Variants in MIA2 observed in about 807,000 individuals in gnomAD.
The protein encoded by MIA2 is MIA SH3 domain ER export factor 2.
Under a neutral mutation model 167.8 loss-of-function variants are expected in MIA2, and 127 were observed. That is an observed-to-expected ratio of 0.76 (90% CI 0.66 to 0.88). The LOEUF is 0.88. Ranked by LOEUF, MIA2 falls within the 40% of genes least tolerant of loss-of-function variation. The pLI is 0.00. For synonymous variants in MIA2, 552 were observed against 541.9 expected, an observed-to-expected ratio of 1.02 and a Z score of -0.26; for missense variants, 1,690 against 1,624.7, an observed-to-expected ratio of 1.04 and a Z score of -0.69.
At chr14:39,342,490 A>T (rs1329802323) in intron 25 of MIA2, among the ~76,000 whole-genome samples, 1 of 152,074 alleles carries the variant, frequency 6.6e-6, no homozygotes, top group Non-Finnish European at 1.5e-5. Context: ...ATGTGTCTTT[A>T]TAGCAGCATG....
At chr14:39,248,762 C>T (rs1385921287) in intron 4 of MIA2, among the ~76,000 whole-genome samples, 1 of 151,272 alleles carries the variant, frequency 6.6e-6, no homozygotes, top group Non-Finnish European at 1.5e-5. Context: ...TTTTTCCAGA[C>T]AGGGTCTCAC....
In MIA2 at chr14:39,238,811, A is replaced by AAAAAAAAACAAAAAC; in HGVS notation, c.250-1750_250-1749insAAAAAAAACAAAAAC. 4.4e-4 allele frequency among the ~76,000 whole-genome samples: 46 copies of AAAAAAAAACAAAAAC among 103,630 alleles called. 2 individuals are homozygous for AAAAAAAAACAAAAAC. Among genetic ancestry groups the AAAAAAAAACAAAAAC allele is most frequent in the African/African-American group, 1.7e-3 (44 of 25,562 alleles). 68.0% of individuals were successfully genotyped at this position (103,630 alleles called of 152,430 possible). ...CCTGTCTCAAAAAAAAAAAAAAAAA[A>AAAAAAAAACAAAAAC]CCCAAAAAACAAAAAAACCTAGCTG... is the stretch of plus-strand genomic sequence containing the variant. On this transcript the variant is annotated intron_variant, in intron 2 of 28. Transcript: ENST00000640607.
At chr14:39,349,371 A>T (rs571910467) in intron 28 of MIA2, among the ~76,000 whole-genome samples, 8 of 152,330 alleles carry the variant, frequency 5.3e-5, no homozygotes, top group African/African-American at 1.9e-4. Flanking sequence ...AGTCTTTTTC[A>T]TAAGTAGTTC....
At chr14:39,264,822 T>C (rs964036494) in intron 6 of MIA2, among the ~76,000 whole-genome samples, 1 of 152,218 alleles carries the variant, frequency 6.6e-6, no homozygotes, top group Non-Finnish European at 1.5e-5. Context: ...AATCAGTGTC[T>C]AGGTTGTGAA....
At chr14:39,286,496 G>A (rs532804540) in intron 9 of MIA2, among the ~76,000 whole-genome samples, 16 of 152,232 alleles carry the variant, frequency 1.1e-4, no homozygotes, top group East Asian at 9.6e-4. Flanking sequence ...TGGCTAGGTC[G>A]TTATTTGTGT....
At chr14:39,349,885 T>A (rs1380073365) in intron 28 of MIA2, among the ~76,000 whole-genome samples, 1 of 152,180 alleles carries the variant, frequency 6.6e-6, no homozygotes, top group African/African-American at 2.4e-5. Context: ...GGACAAAAAT[T>A]ACATAAAAAT....
At chr14:39,248,779 G>A (rs1050687105) in intron 4 of MIA2, among the ~76,000 whole-genome samples, 4 of 150,944 alleles carry the variant, frequency 2.6e-5, no homozygotes, top group Non-Finnish European at 2.9e-5. Flanking sequence ...TCACTTTATC[G>A]TCTAAGCTGG....
intron 2 of MIA2, 82 bp from the exon 3 acceptor site, chr14:39,240,479 G>A (rs775288407): frequency 1.6e-5 from 16 of 990,808 alleles, no homozygotes; most frequent in Non-Finnish European, 2.2e-5. Context: ...TGAAAGCCAA[G>A]GACATGGGAC....
Position 39,319,248 on chromosome 14 carries a change from A to C in MIA2, c.3324A>C (p.Lys1108Asn). The C allele has an allele frequency of 6.4e-7, 1 of 1,573,274 alleles. No homozygotes were observed. The highest frequency in any genetic ancestry group is 1.2e-5 in the South Asian group (1 of 82,900). Residue 1108 changes from lysine (K) to asparagine (N), a missense_variant, in exon 23 of 29, where the codon AAA (lysine) becomes AAC (asparagine). Physicochemically the swap from Lys to Asn is moderately conservative, Grantham distance 94. Coordinates refer to ENST00000640607, the MANE Select transcript of MIA2 (RefSeq NM_001329214.4). Reference protein sequence around the residue: ...ETELKFELLEKDPYALDVPNT... With the variant: ...ETELKFELLENDPYALDVPNT... ...AGCTTAAATTTGAACTTTTAGAAAA[A>C]GATCCTTATGCACTCGATGTTCCAA...
In MIA2 at chr14:39,327,160, AAAT is replaced by A. The variant is rs1246710634; in HGVS notation, c.3655+142_3655+144del. ...GTACATTTTTGAAAACAACAATGAT[AAAT>A]AATCTAAACAGAATGATTTGAGATA... On this transcript the variant is annotated intron_variant, in intron 25 of 28. Coordinates refer to ENST00000640607, the MANE Select transcript of MIA2 (RefSeq NM_001329214.4). 3 of 556,704 alleles carry A rather than the reference AAAT, an allele frequency of 5.4e-6. No individual in the cohort carries two copies. In the African/African-American group the frequency reaches 5.9e-5, roughly 11 times the overall value. The allele number at this position is 556,704 out of a possible 1,614,324, so 34.5% of individuals were successfully genotyped here. A position where few individuals can be genotyped will look rare whatever the true frequency, so the allele number is the denominator to read the frequency against.
chr14:39,282,933 C>A (rs1019309101), intron 9 of MIA2, among the ~76,000 whole-genome samples: 1 of 152,172 alleles, frequency 6.6e-6, no homozygotes, highest in Non-Finnish European at 1.5e-5. Context: ...CTGTTTTGTT[C>A]TCTATCTCTA....
chr14:39,237,927 A>T (rs916039413), intron 2 of MIA2, among the ~76,000 whole-genome samples: 3 of 151,562 alleles, frequency 2.0e-5, no homozygotes, highest in Non-Finnish European at 2.9e-5. Flanking sequence ...TCTAGTAGAG[A>T]TGGAGTTTCA....
chr14:39,249,245 A>G (rs978418678), intron 4 of MIA2, among the ~76,000 whole-genome samples: 13 of 152,078 alleles, frequency 8.5e-5, no homozygotes, highest in African/African-American at 2.7e-4. Flanking sequence ...GGCTCAATCT[A>G]TCCCTCGACC....
At position 39,248,216 on chromosome 14, in the gene MIA2, T is replaced by A. The variant is rs192528202; in HGVS notation, c.1567+75T>A. On this transcript the variant is annotated intron_variant, in intron 4 of 28. Coordinates refer to ENST00000640607, the MANE Select transcript of MIA2 (RefSeq NM_001329214.4). ...TTTATTTTTATAAGTGCAAATCAGATGAAAAAGTCCAGGAATCCACGTTTT... is the reference window on the plus strand; with the variant it reads ...TTTATTTTTATAAGTGCAAATCAGAAGAAAAAGTCCAGGAATCCACGTTTT... 9 of 1,121,178 alleles carry A rather than the reference T, an allele frequency of 8.0e-6. No individual in the cohort carries two copies. In the East Asian group the frequency reaches 1.9e-4, roughly 23 times the overall value. 69.5% of individuals were successfully genotyped at this position (1,121,178 alleles called of 1,614,324 possible). A position where few individuals can be genotyped will look rare whatever the true frequency, so the allele number is the denominator to read the frequency against.
chr14:39,360,663 A>T (rs991438957), intron 23 of MIA2, among the ~76,000 whole-genome samples: 5 of 152,114 alleles, frequency 3.3e-5, no homozygotes, highest in Non-Finnish European at 7.4e-5. Context: ...TTAGTTTATT[A>T]TAGTCCCATC....
rs1595374206 is a variant in MIA2 at position 39,304,486 on chromosome 14, A to T, written c.2878+105A>T. On this transcript the variant is annotated intron_variant, in intron 17 of 28. Coordinates refer to ENST00000640607, the MANE Select transcript of MIA2 (RefSeq NM_001329214.4). ...ATTAACTTTGGGAAGATCCAATTTTATTTTTTTTTAACTTTTGTTCCTGTT... is the reference window on the plus strand; with the variant it reads ...ATTAACTTTGGGAAGATCCAATTTTTTTTTTTTTTAACTTTTGTTCCTGTT... 3 of 596,518 alleles carry T rather than the reference A, an allele frequency of 5.0e-6. No homozygotes were observed. In the East Asian group the frequency reaches 1.1e-4, roughly 21 times the overall value. 37.0% of individuals were successfully genotyped at this position (596,518 alleles called of 1,614,324 possible). A position where few individuals can be genotyped will look rare whatever the true frequency, so the allele number is the denominator to read the frequency against.
chr14:39,339,867 A>G (rs145837582), intron 25 of MIA2, among the ~76,000 whole-genome samples: 1 of 152,102 alleles, frequency 6.6e-6, no homozygotes, highest in Non-Finnish European at 1.5e-5. Flanking sequence ...TTGTTTTGAG[A>G]CAGAATCTCA....
intron 25 of MIA2, among the ~76,000 whole-genome samples, chr14:39,334,501 C>A (rs111856772): frequency 1.3e-5 from 2 of 151,458 alleles, no homozygotes; most frequent in South Asian, 4.1e-4. Context: ...GGTCACTGAA[C>A]AGATTTCAGG....
intron 14 of MIA2, among the ~76,000 whole-genome samples, chr14:39,300,521 AATG>A (rs1261530848): frequency 6.6e-6 from 1 of 152,078 alleles, no homozygotes; most frequent in African/African-American, 2.4e-5. Flanking sequence ...TGTATCAAAT[AATG>A]ATATGTAAAA....
Sources: allele counts gnomAD v4.1 joint callset (sites outside exome capture counted in the v4.1 genomes callset), GRCh38; gene constraint gnomAD v4.1.1; transcripts MANE v1.5; gene names NCBI Gene and HGNC (gene_info 2026-07-23, HGNC 2026-07-21).